ARHGEF10: variants seen among roughly 807,000 people sequenced by gnomAD.
ARHGEF10 encodes the protein Rho guanine nucleotide exchange factor (GEF) 10.
ARHGEF10 carries 140 observed loss-of-function variants against 147.4 expected under a neutral mutation model. The observed-to-expected ratio is 0.95, with a 90% CI of 0.83 to 1.09. The LOEUF (loss-of-function observed/expected upper bound fraction) is 1.09, where lower values mean the gene tolerates loss of function less well. Ranked by LOEUF, ARHGEF10 falls within the 50% of genes least tolerant of loss-of-function variation. ARHGEF10 has a pLI of 0.00. For synonymous variants in ARHGEF10, 902 were observed against 695.8 expected (o/e 1.30, Z -4.67); for missense variants, 2,222 against 1,752.7 (o/e 1.27, Z -4.78).
chr8:1,945,938 G>C, intron 27 of ARHGEF10: 1 of 204,560 alleles, frequency 4.9e-6, no homozygotes, highest in Non-Finnish European at 9.2e-6. Context: ...ATCTCTGTAG[G>C]TCAGAGTGGG....
chr8:1,867,054 A>G (rs1297527451), intron 6 of ARHGEF10, among the ~76,000 whole-genome samples: 1 of 126,054 alleles, frequency 7.9e-6, no homozygotes, highest in African/African-American at 3.0e-5. Context: ...ACTTTATTTT[A>G]CATAACTTGG....
At chr8:1,905,416 G>A (rs142401116) in intron 16 of ARHGEF10, among the ~76,000 whole-genome samples, 155 bp from the exon 17 acceptor site, 1 of 152,296 alleles carries the variant, frequency 6.6e-6, no homozygotes, top group African/African-American at 2.4e-5. Context: ...GAAGGAGGCG[G>A]ATGTTCAGCG....
At chr8:1,832,949 CAGA>C (rs1803292147) in intron 1 of ARHGEF10, among the ~76,000 whole-genome samples, 1 of 36,006 alleles carries the variant, frequency 2.8e-5, no homozygotes, top group Non-Finnish European at 5.4e-5. Flanking sequence ...GAAGCAGAGA[CAGA>C]GGCAGAGGCA....
At chr8:1,868,023 T>C (rs1806768181) in intron 6 of ARHGEF10, among the ~76,000 whole-genome samples, 1 of 152,238 alleles carries the variant, frequency 6.6e-6, no homozygotes, top group Non-Finnish European at 1.5e-5. Flanking sequence ...GATTTTTTTC[T>C]CATTACTCAT....
chr8:1,893,645 A>T lies in ARHGEF10; in HGVS notation c.1259A>T (p.Glu420Val). 2 of 1,606,922 alleles carry T rather than the reference A, an allele frequency of 1.2e-6. No individual in the cohort carries two copies. Among genetic ancestry groups the T allele is most frequent in the Non-Finnish European group, 1.7e-6 (2 of 1,173,606 alleles). Residue 420 changes from glutamate (E) to valine (V), a missense_variant and splice_region_variant, in exon 12 of 29, where the codon GAG becomes GTG. Physicochemically the swap from Glu to Val is moderately radical, Grantham distance 121. Transcript: ENST00000349830. ...NYVDALKRIL[E>V]QYEKPLSEME... ...GTAGATGCTCTTAAGAGGATTTTGG[A>T]GGTACTTAAGTGTCGTGTTACATAA...
rs1813683123 is a variant in ARHGEF10 at position 1,937,150 on chromosome 8, T to C, written c.3222+3208T>C. On this transcript the variant is annotated intron_variant, in intron 26 of 28. Transcript: ENST00000349830. This position sits in a 1 kb window ranked among gnomAD's most constrained non-coding sequence, Gnocchi z 4.9. ...CAGGGAGGTTGGGGTACATGTTAGA[T>C]GATTTTTGGCAGTATTGTTCCTGTT... 6.6e-6 allele frequency among the ~76,000 whole-genome samples: 1 copy of C among 152,174 alleles called. No homozygotes were observed. Among genetic ancestry groups the C allele is most frequent in the African/African-American group, 2.4e-5 (1 of 41,450 alleles).
intron 11 of ARHGEF10, among the ~76,000 whole-genome samples, chr8:1,888,905 G>A (rs1441499438): frequency 1.4e-5 from 2 of 139,496 alleles, no homozygotes; most frequent in African/African-American, 5.9e-5. Flanking sequence ...AGTTGGGTGA[G>A]GGTTGTGAGG....
At chr8:1,827,603 C>G (rs1211310663) in intron 1 of ARHGEF10, among the ~76,000 whole-genome samples, 1 of 152,204 alleles carries the variant, frequency 6.6e-6, no homozygotes, top group Non-Finnish European at 1.5e-5. Context: ...ACTGCATGCC[C>G]CGTCAAAATG....
chr8:1,835,066 C>A (rs977717089), intron 1 of ARHGEF10, among the ~76,000 whole-genome samples: 1 of 152,264 alleles, frequency 6.6e-6, no homozygotes, highest in South Asian at 2.1e-4. Flanking sequence ...CTGATGGCCC[C>A]CGGCCCGTGT....
intron 2 of ARHGEF10, among the ~76,000 whole-genome samples, chr8:1,856,926 A>G (rs1402344523): frequency 1.3e-5 from 2 of 152,126 alleles, no homozygotes; most frequent in Non-Finnish European, 2.9e-5. Context: ...GTCCCAGCAC[A>G]TGGGTCTCCT....
intron 1 of ARHGEF10, among the ~76,000 whole-genome samples, chr8:1,827,955 G>A (rs887787610): frequency 1.3e-5 from 2 of 152,188 alleles, no homozygotes; most frequent in African/African-American, 2.4e-5. Context: ...GGCTGTCTGC[G>A]TAGAATAGGC....
At chr8:1,868,426 T>C (rs1358648503) in intron 6 of ARHGEF10, among the ~76,000 whole-genome samples, 1 of 152,216 alleles carries the variant, frequency 6.6e-6, no homozygotes, top group East Asian at 1.9e-4. Context: ...GATTTAAAGG[T>C]CTTTTTATGA....
At chr8:1,865,934 G>C (rs1806568059) in intron 5 of ARHGEF10, among the ~76,000 whole-genome samples, 1 of 152,224 alleles carries the variant, frequency 6.6e-6, no homozygotes, top group Non-Finnish European at 1.5e-5. Flanking sequence ...ATGGGGCGAT[G>C]CTTGGTGTGT....
intron 2 of ARHGEF10, among the ~76,000 whole-genome samples, chr8:1,845,138 T>A (rs1434179884): frequency 6.6e-6 from 1 of 152,154 alleles, no homozygotes; most frequent in Non-Finnish European, 1.5e-5. Flanking sequence ...AGACCCTGTC[T>A]AAAAAATAAA....
chr8:1,927,912 G>A (rs561577651), intron 23 of ARHGEF10, among the ~76,000 whole-genome samples: 2 of 152,160 alleles, frequency 1.3e-5, no homozygotes, highest in East Asian at 3.9e-4. Context: ...TTGCACTCCA[G>A]CCTGGGTGAC....
intron 2 of ARHGEF10, among the ~76,000 whole-genome samples, chr8:1,849,797 T>C (rs1021557026): frequency 9.0e-6 from 1 of 110,960 alleles, no homozygotes; most frequent in Admixed American, 9.9e-5. Context: ...GAGGAGGGCG[T>C]GGGCCGGCTG....
intron 25 of ARHGEF10, among the ~76,000 whole-genome samples, chr8:1,932,486 C>T (rs1299596269): frequency 6.6e-6 from 1 of 151,184 alleles, no homozygotes; most frequent in Non-Finnish European, 1.5e-5. Flanking sequence ...GACATGTGCA[C>T]GTGTGTGTGT....
At chr8:1,837,242 G>C (rs368611128) in intron 1 of ARHGEF10, among the ~76,000 whole-genome samples, 5 of 152,020 alleles carry the variant, frequency 3.3e-5, no homozygotes, top group Non-Finnish European at 4.4e-5. Flanking sequence ...GCTGCTGTGC[G>C]CTGTGCGGAG....
intron 7 of ARHGEF10, chr8:1,869,665 G>T: frequency 3.1e-6 from 1 of 319,848 alleles, no homozygotes; most frequent in Non-Finnish European, 6.1e-6. Context: ...TCAGATTTTA[G>T]ACATAGAGAT....
Sources: gnomAD v4.1 joint callset for allele counts (sites outside exome capture counted in the v4.1 genomes callset) on GRCh38, gnomAD v4.1.1 for gene constraint, Gnocchi (gnomAD v3.1) non-coding constraint, MANE v1.5 for transcripts, NCBI Gene and HGNC (gene_info 2026-07-23, HGNC 2026-07-21) for gene names.